TFEC: variants seen among roughly 807,000 people sequenced by gnomAD.
TFEC encodes the protein transcription factor EC, also known as class E basic helix-loop-helix protein 34.
In TFEC, 31 loss-of-function variants were observed where a neutral mutation model predicts 41.6. The ratio of observed to expected loss-of-function variants is 0.74; its 90% CI spans 0.56 to 1.01. TFEC has a LOEUF of 1.01. Among genes scored for constraint, TFEC ranks in the 50% least tolerant of loss-of-function variants. The pLI is 0.00. For synonymous variants in TFEC, 143 were observed against 140.6 expected, an observed-to-expected ratio of 1.02 and a Z score of -0.12; for missense variants, 402 against 404.1, an observed-to-expected ratio of 0.99 and a Z score of 0.04.
intron 3 of TFEC, among the ~76,000 whole-genome samples, chr7:116,036,094 A>G (rs1795902816): frequency 6.6e-6 from 1 of 152,046 alleles, no homozygotes; most frequent in African/African-American, 2.4e-5. Flanking sequence ...TAATATATAG[A>G]TAATTGTTAT....
At chr7:116,047,369 G>A (rs762174941) in intron 3 of TFEC, among the ~76,000 whole-genome samples, 18 of 152,258 alleles carry the variant, frequency 1.2e-4, no homozygotes, top group South Asian at 6.2e-4. Context: ...CACCTGGCTC[G>A]GAGGGTCCCA....
Position 115,973,568 on chromosome 7 carries a change from C to T in TFEC, c.267+602G>A, listed in dbSNP as rs1264247780. On this transcript the variant is annotated intron_variant, in intron 3 of 7. Coordinates refer to ENST00000265440, the MANE Select transcript of TFEC (RefSeq NM_012252.4). ...GATTCATAAATGAACAATCAGAAGG[C>T]GCATAGCAAGCAAATAGGAGATAAT... is the stretch of plus-strand genomic sequence containing the variant. 4.6e-5 allele frequency among the ~76,000 whole-genome samples: 7 copies of T among 151,880 alleles called. No individual in the cohort carries two copies. In the East Asian group the frequency reaches 1.2e-3, roughly 25 times the overall value.
intron 1 of TFEC, among the ~76,000 whole-genome samples, chr7:116,145,061 A>C (rs1798615495): frequency 6.6e-6 from 1 of 152,186 alleles, no homozygotes; most frequent in Admixed American, 6.5e-5. Flanking sequence ...GTAAAAGTAA[A>C]TACAAATAAA....
chr7:116,005,109 C>A (rs184528840), intron 1 of TFEC, among the ~76,000 whole-genome samples: 2 of 152,276 alleles, frequency 1.3e-5, no homozygotes, highest in Non-Finnish European at 1.5e-5. Flanking sequence ...AAACCTCTTT[C>A]TTTTGTAAAT....
At chr7:115,983,746 A>G (rs1283054288) in intron 2 of TFEC, among the ~76,000 whole-genome samples, 3 of 152,184 alleles carry the variant, frequency 2.0e-5, no homozygotes, top group Non-Finnish European at 4.4e-5. Flanking sequence ...TTTAGTAAAT[A>G]GTAGCCAACT....
intron 3 of TFEC, among the ~76,000 whole-genome samples, chr7:116,098,867 A>AAAGGAAGGAAGGAAGGAAGGAAGGAAGG (rs59276209): frequency 8.7e-6 from 1 of 115,040 alleles, no homozygotes; most frequent in African/African-American, 3.4e-5. Context: ...GAGAGGAAGA[A>AAAGGAAGGAAGGAAGGAAGGAAGGAAGG]AAGGAAGGAA....
At chr7:115,976,704 G>A (rs539081799) in intron 2 of TFEC, among the ~76,000 whole-genome samples, 6 of 151,976 alleles carry the variant, frequency 3.9e-5, no homozygotes, top group East Asian at 1.9e-4. Flanking sequence ...ACCACTAAAC[G>A]GGCAAAAACC....
At chr7:116,112,285 CTAA>C (rs1278036019) in intron 1 of TFEC, among the ~76,000 whole-genome samples, 1 of 151,932 alleles carries the variant, frequency 6.6e-6, no homozygotes, top group Non-Finnish European at 1.5e-5. Context: ...AAGTATGGTA[CTAA>C]CAATTATTTC....
chr7:116,109,268 C>T (rs1380161912), intron 3 of TFEC, among the ~76,000 whole-genome samples: 2 of 152,024 alleles, frequency 1.3e-5, no homozygotes, highest in East Asian at 1.9e-4. Context: ...AAAGAAACTA[C>T]CATCAGAGTA....
intron 2 of TFEC, 84 bp downstream of exon 2, chr7:115,984,178 C>A: frequency 6.7e-7 from 1 of 1,500,454 alleles, no homozygotes. Flanking sequence ...AGAATGTTTA[C>A]TGTAAAATGT....
chr7:116,112,078 C>G, intron 1 of TFEC: 1 of 920,274 alleles, frequency 1.1e-6, no homozygotes, highest in Non-Finnish European at 1.3e-6. Context: ...TGTTTTTTAA[C>G]TTTAATAATA....
At chr7:116,147,373 A>G in intron 1 of TFEC, among the ~76,000 whole-genome samples, 1 of 152,254 alleles carries the variant, frequency 6.6e-6, no homozygotes, top group East Asian at 1.9e-4. Context: ...GCTAAAAAGA[A>G]CAATGAATTG....
chr7:115,990,778 G>A (rs1009621557), intron 1 of TFEC, among the ~76,000 whole-genome samples: 1 of 152,178 alleles, frequency 6.6e-6, no homozygotes, highest in Non-Finnish European at 1.5e-5. Context: ...AAGTGACGGG[G>A]AGAATGGAAC....
intron 3 of TFEC, among the ~76,000 whole-genome samples, chr7:116,074,444 A>G (rs1796907839): frequency 6.6e-6 from 1 of 152,156 alleles, no homozygotes; most frequent in South Asian, 2.1e-4. Flanking sequence ...AAAATGGGCA[A>G]AGGATCTGAT....
At chr7:116,098,430 C>T (rs560683141) in intron 3 of TFEC, among the ~76,000 whole-genome samples, 1 of 152,198 alleles carries the variant, frequency 6.6e-6, no homozygotes, top group East Asian at 1.9e-4. Flanking sequence ...ATTAGTATCA[C>T]ATAAAATAGA....
intron 1 of TFEC, among the ~76,000 whole-genome samples, chr7:116,027,462 G>A (rs1389152490): frequency 6.6e-6 from 1 of 152,042 alleles, no homozygotes; most frequent in Admixed American, 6.6e-5. Flanking sequence ...TGGATATTAT[G>A]GTGCATGCCT....
intron 3 of TFEC, among the ~76,000 whole-genome samples, chr7:115,966,761 TCA>T (rs1032645903): frequency 1.3e-5 from 2 of 151,710 alleles, no homozygotes; most frequent in Admixed American, 1.3e-4. Context: ...TTAATTTTTC[TCA>T]GTTATATTCT....
intron 3 of TFEC, among the ~76,000 whole-genome samples, chr7:116,104,052 T>C (rs937380439): frequency 2.0e-5 from 3 of 151,164 alleles, no homozygotes; most frequent in Non-Finnish European, 4.4e-5. Flanking sequence ...ATACTAAAAT[T>C]ACAGGTCAAT....
chr7:116,114,342 G>T (rs1797925189), intron 1 of TFEC, among the ~76,000 whole-genome samples: 1 of 151,962 alleles, frequency 6.6e-6, no homozygotes, highest in Non-Finnish European at 1.5e-5. Flanking sequence ...GTTGATCAAA[G>T]TTTCAGTGAA....
Sources: allele counts gnomAD v4.1 joint callset (sites outside exome capture counted in the v4.1 genomes callset), GRCh38; gene constraint gnomAD v4.1.1; transcripts MANE v1.5; gene names NCBI Gene and HGNC (gene_info 2026-07-23, HGNC 2026-07-21).